The following RELN variants were observed in gnomAD, a reference collection of about 807,000 sequenced individuals.
RELN encodes the protein reelin.
A neutral mutation model predicts 427.6 loss-of-function variants in RELN; 108 were observed. The observed-to-expected ratio is 0.25, with a 90% CI of 0.22 to 0.30. The LOEUF (loss-of-function observed/expected upper bound fraction) is 0.30. RELN is among the 10% of genes least tolerant of loss of function. The pLI, the probability that RELN is intolerant of heterozygous loss-of-function variation, is 1.00. For synonymous variants in RELN, 1,524 were observed against 1,513.4 expected, an observed-to-expected ratio of 1.01 and a Z score of -0.16; for missense variants, 3,715 against 4,302.8, an observed-to-expected ratio of 0.86 and a Z score of 3.82.
At chr7:103,956,481 C>T (rs568288427) in intron 1 of RELN, among the ~76,000 whole-genome samples, 8 of 152,244 alleles carry the variant, frequency 5.3e-5, no homozygotes, top group Non-Finnish European at 1.2e-4. Flanking sequence ...AAAAGTATAT[C>T]CTTACAGCAT....
chr7:103,500,598 A>AAGAC (rs1828993616), intron 53 of RELN, 147 bp downstream of exon 53: 3 of 718,650 alleles, frequency 4.2e-6, no homozygotes, highest in East Asian at 5.3e-5. Context: ...TAGGAAACAT[A>AAGAC]AGACATTTTT....
intron 2 of RELN, among the ~76,000 whole-genome samples, chr7:103,861,923 T>C (rs1794079607): frequency 6.6e-6 from 1 of 152,036 alleles, no homozygotes; most frequent in Non-Finnish European, 1.5e-5. Flanking sequence ...TTGGTTTTGG[T>C]CTTTGGAGGA....
At chr7:103,571,116 G>C in intron 31 of RELN, among the ~76,000 whole-genome samples, 1 of 152,184 alleles carries the variant, frequency 6.6e-6, no homozygotes. Flanking sequence ...TGATAATATG[G>C]CCAAGGAAAT....
intron 2 of RELN, among the ~76,000 whole-genome samples, chr7:103,846,883 GC>G (rs1323837267): frequency 2.0e-5 from 3 of 152,164 alleles, no homozygotes; most frequent in Non-Finnish European, 4.4e-5. Flanking sequence ...GCCATCTCAT[GC>G]CAGTTAGAAC....
chr7:103,917,216 C>G (rs1584364737), intron 1 of RELN, 31 bp from the exon 2 acceptor site: 1 of 1,462,736 alleles, frequency 6.8e-7, no homozygotes, highest in South Asian at 1.1e-5. Context: ...AAAAAACTCT[C>G]AATACAGTCA....
At position 103,640,645 on chromosome 7, in the gene RELN, C is replaced by T. The variant is rs759432643; in HGVS notation, c.2003-36G>A. On this transcript the variant is annotated intron_variant, in intron 16 of 64. Transcript: ENST00000428762. The surrounding 1 kb of genome is among the most constrained non-coding windows in gnomAD (Gnocchi z 4.1). ...GAAAAAGAGAACATAATTACAAAAA[C>T]ATAGAACACTACCAGTACAATTTTG... 3 of 1,602,770 alleles carry T rather than the reference C, an allele frequency of 1.9e-6. No individual in the cohort carries two copies. The highest frequency in any genetic ancestry group is 1.1e-5 in the South Asian group (1 of 90,654).
intron 42 of RELN, 135 bp downstream of exon 42, chr7:103,544,989 G>C: frequency 1.3e-6 from 1 of 747,454 alleles, no homozygotes; most frequent in Non-Finnish European, 2.3e-6. Flanking sequence ...AGAACTAAAT[G>C]AATTCTTGGA....
intron 3 of RELN, among the ~76,000 whole-genome samples, chr7:103,786,320 T>C (rs990614184): frequency 4.6e-5 from 7 of 151,948 alleles, no homozygotes; most frequent in Non-Finnish European, 8.8e-5. Context: ...AAAAATTGCT[T>C]CCCTAAACAG....
At chr7:103,610,514 T>C (rs1831925440) in intron 22 of RELN, among the ~76,000 whole-genome samples, 181 bp downstream of exon 22, 1 of 152,178 alleles carries the variant, frequency 6.6e-6, no homozygotes. Flanking sequence ...CTTTTTCAAA[T>C]ATCATTCACA....
chr7:103,569,884 T>G lies in RELN; in HGVS notation c.4588+2300A>C, dbSNP rs1830842077. ...TTTAAGGCATGTGAAACATTTCTCT[T>G]TTTAAACAGCAGCTCCATCTGCGTT... On this transcript the variant is annotated intron_variant, in intron 31 of 64. Coordinates refer to ENST00000428762, the MANE Select transcript of RELN (RefSeq NM_005045.4). The surrounding 1 kb of genome is among the most constrained non-coding windows in gnomAD (Gnocchi z 4.0). Among the ~76,000 whole-genome samples, 1 of 152,232 alleles carries G rather than the reference T, an allele frequency of 6.6e-6. No homozygotes were observed. Among genetic ancestry groups the G allele is most frequent in the African/African-American group, 2.4e-5 (1 of 41,452 alleles).
At chr7:103,773,436 T>TCTCTCTCCCTTGCTCCCTCC (rs1563004960) in intron 4 of RELN, among the ~76,000 whole-genome samples, 4 of 120,950 alleles carry the variant, frequency 3.3e-5, no homozygotes, top group Non-Finnish European at 3.6e-5. Flanking sequence ...CCTCTCTCTC[T>TCTCTCTCCCTTGCTCCCTCC]CTCTCTCTCC....
At chr7:103,711,374 A>C (rs1043480002) in intron 8 of RELN, among the ~76,000 whole-genome samples, 1 of 152,188 alleles carries the variant, frequency 6.6e-6, no homozygotes, top group African/African-American at 2.4e-5. Context: ...CAGAGCTTGC[A>C]CTGCACTACA....
Position 103,812,620 on chromosome 7 carries a change from A to G in RELN, c.473+20917T>C, listed in dbSNP as rs572767783. ...ACTGGATTTCCCTGGGCTGTAGTATATTTGCACACATATGACAAAGGCCAA... is the reference window on the plus strand; with the variant it reads ...ACTGGATTTCCCTGGGCTGTAGTATGTTTGCACACATATGACAAAGGCCAA... On this transcript the variant is annotated intron_variant, in intron 3 of 64. Coordinates refer to ENST00000428762, the MANE Select transcript of RELN (RefSeq NM_005045.4). Among the ~76,000 whole-genome samples, 14 of 152,294 alleles carry G rather than the reference A, an allele frequency of 9.2e-5. No individual in the cohort carries two copies. The South Asian group carries it at 2.9e-3, about 32-fold the overall frequency.
chr7:103,569,322 GTGACTGCACCCCTCCTGGCTTTTGTCC>G lies in RELN; in HGVS notation c.4589-2590_4589-2564del, dbSNP rs1055264150. On this transcript the variant is annotated intron_variant, in intron 31 of 64. Transcript: ENST00000428762. The surrounding 1 kb of genome is among the most constrained non-coding windows in gnomAD (Gnocchi z 4.0). ...CACCTAGCCCTGGCTAAGTCTTCCA[GTGACTGCACCCCTCCTGGCTTTTGTCC>G]TGACTGCAACCTCACCAGAGACCCT... is the stretch of plus-strand genomic sequence containing the variant. 5.9e-5 allele frequency among the ~76,000 whole-genome samples: 9 copies of G among 152,202 alleles called. No homozygotes were observed. The highest frequency in any genetic ancestry group is 2.2e-4 in the African/African-American group (9 of 41,458).
At chr7:103,867,780 T>C (rs1337026003) in intron 2 of RELN, among the ~76,000 whole-genome samples, 2 of 152,090 alleles carry the variant, frequency 1.3e-5, no homozygotes, top group African/African-American at 4.8e-5. Context: ...GTGGATATAC[T>C]CTTTATTTCA....
At chr7:103,960,537 G>T (rs12705172) in intron 1 of RELN, among the ~76,000 whole-genome samples, 58,581 of 151,904 alleles carry the variant, frequency 0.39, 11,550 homozygotes, top group Non-Finnish European at 0.42. Context: ...CCTCATCTTG[G>T]TTATAACAGA....
At chr7:103,708,819 G>T (rs1383074392) in intron 8 of RELN, among the ~76,000 whole-genome samples, 1 of 151,996 alleles carries the variant, frequency 6.6e-6, no homozygotes. Flanking sequence ...TAATGGTCAC[G>T]CCCCTCAGAG....
intron 31 of RELN, among the ~76,000 whole-genome samples, chr7:103,568,591 A>C (rs775816518): frequency 2.6e-5 from 4 of 152,142 alleles, no homozygotes; most frequent in Admixed American, 1.3e-4. Context: ...TATTCTAGTC[A>C]AGTTGAGGAA....
At chr7:103,735,758 T>G (rs372744728) in intron 6 of RELN, among the ~76,000 whole-genome samples, 1 of 152,152 alleles carries the variant, frequency 6.6e-6, no homozygotes, top group African/African-American at 2.4e-5. Flanking sequence ...TTGAGATACA[T>G]GTAATTTGTC....
Sources: allele counts gnomAD v4.1 joint callset (sites outside exome capture counted in the v4.1 genomes callset), GRCh38; gene constraint gnomAD v4.1.1; non-coding constraint Gnocchi (gnomAD v3.1); transcripts MANE v1.5; gene names NCBI Gene and HGNC (gene_info 2026-07-23, HGNC 2026-07-21).